LZTS1: variants seen among roughly 807,000 people sequenced by gnomAD.
LZTS1 encodes the protein leucine zipper putative tumor suppressor 1.
LZTS1 carries 31 observed loss-of-function variants against 45.8 expected under a neutral mutation model. The ratio of observed to expected loss-of-function variants is 0.68; its 90% confidence interval spans 0.51 to 0.91. The LOEUF (loss-of-function observed/expected upper bound fraction) is 0.91, where lower values mean the gene tolerates loss of function less well. LZTS1 is among the 40% of genes least tolerant of loss of function. LZTS1 has a pLI of 0.00. For synonymous variants in LZTS1, 359 were observed against 357.3 expected, an observed-to-expected ratio of 1.00 and a Z score of -0.05; for missense variants, 821 against 788.9, an observed-to-expected ratio of 1.04 and a Z score of -0.49.
intron 2 of LZTS1, among the ~76,000 whole-genome samples, chr8:20,253,831 C>T (rs959636987): frequency 3.3e-5 from 5 of 152,182 alleles, no homozygotes; most frequent in African/African-American, 1.2e-4. Context: ...CAACCTGCCA[C>T]CAGCTTGCCC....
intron 1 of LZTS1, among the ~76,000 whole-genome samples, chr8:20,297,950 C>T (rs547404443): frequency 1.4e-3 from 210 of 152,260 alleles, no homozygotes; most frequent in Non-Finnish European, 2.4e-3. Flanking sequence ...ATTGGTGAAC[C>T]CCAATGACTT....
intron 1 of LZTS1, among the ~76,000 whole-genome samples, chr8:20,266,429 A>C (rs983745154): frequency 6.6e-6 from 1 of 152,122 alleles, no homozygotes; most frequent in Admixed American, 6.5e-5. Flanking sequence ...ATGTGACTTA[A>C]ACTGAGGTCT....
chr8:20,253,077 T>A lies in LZTS1; in HGVS notation c.854A>T (p.Glu285Val), dbSNP rs766535717. 2.5e-6 allele frequency: 4 copies of A among 1,609,330 alleles called. No homozygotes were observed. The highest frequency in any genetic ancestry group is 3.4e-6 in the Non-Finnish European group (4 of 1,178,876). Residue 285 changes from glutamate to valine, a missense_variant, in exon 3 of 4, where the codon GAG becomes GTG. Physicochemically the swap from Glu to Val is moderately radical, Grantham distance 121. Coordinates refer to ENST00000381569, the MANE Select transcript of LZTS1 (RefSeq NM_021020.5). ...CAGGCTGGAGGCAAGCTCCTTCTCC[T>A]CAAAGCTGCGCTGCAGCTTCTGGAG... is the stretch of plus-strand genomic sequence containing the variant. ...GALQKLQRSF[E>V]EKELASSLAY...
chr8:20,271,083 T>C (rs1476503326), intron 1 of LZTS1, among the ~76,000 whole-genome samples: 1 of 152,062 alleles, frequency 6.6e-6, no homozygotes. Context: ...CTCAACAGCA[T>C]GGGAGTCTGT....
At chr8:20,301,312 C>A (rs1463289446) in intron 1 of LZTS1, among the ~76,000 whole-genome samples, 1 of 152,050 alleles carries the variant, frequency 6.6e-6, no homozygotes, top group Non-Finnish European at 1.5e-5. Context: ...TGTAGCCTGG[C>A]TAAATTACTT....
intron 1 of LZTS1, among the ~76,000 whole-genome samples, chr8:20,302,986 G>C (rs1293905977): frequency 6.6e-6 from 1 of 152,104 alleles, no homozygotes; most frequent in Non-Finnish European, 1.5e-5. Flanking sequence ...AGCCCCTCCA[G>C]CCAGAGCAAA....
At position 20,252,954 on chromosome 8, in the gene LZTS1, C is replaced by A; in HGVS notation, c.977G>T (p.Arg326Leu). ...KLKQASQKSQRAQQVLHLQVL... is the reference protein window; with the variant it reads ...KLKQASQKSQLAQQVLHLQVL... ...CTGCAGGTGCAGGACCTGCTGCGCG[C>A]GCTGGCTCTTCTGCGAGGCCTGCTT... is the stretch of plus-strand genomic sequence containing the variant. Residue 326 changes from arginine (R) to leucine (L), a missense_variant, in exon 3 of 4, where the codon CGC becomes CTC. Coordinates refer to ENST00000381569, the MANE Select transcript of LZTS1 (RefSeq NM_021020.5). The A allele has an allele frequency of 6.3e-7, 1 of 1,593,468 alleles. No individual in the cohort carries two copies. The highest frequency in any genetic ancestry group is 8.5e-7 in the Non-Finnish European group (1 of 1,171,044).
At chr8:20,299,739 A>AAAT (rs143811071) in intron 1 of LZTS1, among the ~76,000 whole-genome samples, 2,360 of 152,122 alleles carry the variant, frequency 0.016, 85 homozygotes, top group East Asian at 0.11. Flanking sequence ...CGCCTCGGAG[A>AAAT]AATCATGGCC....
At position 20,291,448 on chromosome 8, in the gene LZTS1, T is replaced by C. The variant is rs374064088; in HGVS notation, c.-135+12292A>G. Among the ~76,000 whole-genome samples the C allele has an allele frequency of 7.5e-4, 114 of 152,342 alleles. 1 individual carries two copies. The South Asian group carries it at 0.021, about 28-fold the overall frequency. ...ACTAACATTAACTGAGCTTCTACTA[T>C]GCTTCATGTGCTTTTACTTCTACTG... On this transcript the variant is annotated intron_variant, in intron 1 of 3. Coordinates refer to ENST00000381569, the MANE Select transcript of LZTS1 (RefSeq NM_021020.5).
rs758381493 is a variant in LZTS1, at chr8:20,250,288, C to T, written c.1225G>A (p.Ala409Thr). 1.2e-6 allele frequency: 2 copies of T among 1,613,718 alleles called. No individual in the cohort carries two copies. Among genetic ancestry groups the T allele is most frequent in the Non-Finnish European group, 1.7e-6 (2 of 1,179,978 alleles). ...KESQTEVNAK[A>T]SEILGLKAQL... ...GCCTTGAGACCCAGGATCTCGCTAG[C>T]CTTGGCGTTCACCTCCGTCTGGGAC... Residue 409 changes from alanine to threonine, a missense_variant, in exon 4 of 4, where the codon GCT becomes ACT. Transcript: ENST00000381569.
intron 1 of LZTS1, among the ~76,000 whole-genome samples, chr8:20,269,038 A>G (rs1440683730): frequency 6.6e-6 from 1 of 152,096 alleles, no homozygotes; most frequent in Admixed American, 6.6e-5. Context: ...GCATTGATTG[A>G]CATTTCTCCC....
At chr8:20,264,870 C>T (rs1800315228) in intron 1 of LZTS1, among the ~76,000 whole-genome samples, 1 of 152,144 alleles carries the variant, frequency 6.6e-6, no homozygotes, top group Non-Finnish European at 1.5e-5. Flanking sequence ...GTTTCATTTC[C>T]AGCTGAGGGG....
intron 1 of LZTS1, among the ~76,000 whole-genome samples, chr8:20,285,411 T>C (rs1268778489): frequency 6.6e-6 from 1 of 152,150 alleles, no homozygotes; most frequent in Non-Finnish European, 1.5e-5. Flanking sequence ...AATAAATTAA[T>C]ATACAAAAAC....
chr8:20,296,353 G>C (rs1317451607), intron 1 of LZTS1, among the ~76,000 whole-genome samples: 1 of 152,226 alleles, frequency 6.6e-6, no homozygotes, highest in Non-Finnish European at 1.5e-5. Flanking sequence ...CAACCTCCTT[G>C]AGGGGCCCCA....
chr8:20,302,378 A>C (rs1486602607), intron 1 of LZTS1, among the ~76,000 whole-genome samples: 1 of 152,142 alleles, frequency 6.6e-6, no homozygotes, highest in Non-Finnish European at 1.5e-5. Flanking sequence ...TGTACATGCT[A>C]TCTCTAATAC....
At chr8:20,252,477 G>A (rs1488455971) in intron 3 of LZTS1, among the ~76,000 whole-genome samples, 1 of 152,216 alleles carries the variant, frequency 6.6e-6, no homozygotes, top group African/African-American at 2.4e-5. Context: ...TGGAAGGGAG[G>A]TCAGCCCACA....
intron 1 of LZTS1, among the ~76,000 whole-genome samples, chr8:20,256,694 G>A (rs534692491): frequency 3.9e-5 from 6 of 152,320 alleles, no homozygotes; most frequent in African/African-American, 1.2e-4. Context: ...GGGAGTGAGC[G>A]AAAGAGAGGA....
At position 20,303,812 on chromosome 8, in the gene LZTS1, C is replaced by T; in HGVS notation, c.-207G>A. ...TGTTTCCCGGTGTGTTCCCGTCTCT[C>T]TTTTTCCAGAGCTGCTGAGCGGGCC... is the stretch of plus-strand genomic sequence containing the variant. On this transcript the variant is annotated 5_prime_UTR_variant, in exon 1 of 4. Coordinates refer to ENST00000381569, the MANE Select transcript of LZTS1 (RefSeq NM_021020.5). 2 of 984,112 alleles carry T rather than the reference C, an allele frequency of 2.0e-6. No individual in the cohort carries two copies. Among genetic ancestry groups the T allele is most frequent in the Non-Finnish European group, 2.4e-6 (2 of 829,582 alleles). The allele number at this position is 984,112 out of a possible 1,614,324, so 61.0% of individuals were successfully genotyped here. A position where few individuals can be genotyped will look rare whatever the true frequency, so the allele number is the denominator to read the frequency against.
chr8:20,269,345 C>T (rs34062067), intron 1 of LZTS1, among the ~76,000 whole-genome samples: 3,676 of 152,276 alleles, frequency 0.024, 150 homozygotes, highest in African/African-American at 0.082. Context: ...GACTCCCTCC[C>T]GTCTTACCTG....
Sources: gnomAD v4.1 joint callset for allele counts (sites outside exome capture counted in the v4.1 genomes callset) on GRCh38, gnomAD v4.1.1 for gene constraint, MANE v1.5 for transcripts, NCBI Gene and HGNC (gene_info 2026-07-23, HGNC 2026-07-21) for gene names.